The following MORC1 variants were observed in gnomAD, a reference collection of about 807,000 sequenced individuals.
MORC1 encodes the protein MORC family CW-type zinc finger protein 1.
A neutral mutation model predicts 134.9 loss-of-function variants in MORC1; 59 were observed. That is an observed-to-expected ratio of 0.44 (90% CI 0.35 to 0.54). The LOEUF (loss-of-function observed/expected upper bound fraction) is 0.54, where lower values mean the gene tolerates loss of function less well. Ranked by LOEUF, MORC1 falls within the 20% of genes least tolerant of loss-of-function variation. The probability of loss-of-function intolerance (pLI) is 0.00; values close to 1 mark genes in which losing one functional copy is unlikely to be tolerated. For synonymous variants in MORC1, 395 were observed against 391.7 expected, an observed-to-expected ratio of 1.01 and a Z score of -0.10; for missense variants, 947 against 1,134.5, an observed-to-expected ratio of 0.83 and a Z score of 2.37.
At chr3:109,029,664 C>A (rs938624988) in intron 16 of MORC1, among the ~76,000 whole-genome samples, 1 of 152,174 alleles carries the variant, frequency 6.6e-6, no homozygotes, top group African/African-American at 2.4e-5. Context: ...TAGCCTCCCT[C>A]TGTGCTTGAA....
chr3:109,005,374 A>C (rs1208240677), intron 18 of MORC1, 59 bp from the exon 19 acceptor site: 2 of 1,444,612 alleles, frequency 1.4e-6, no homozygotes, highest in African/African-American at 2.9e-5. Flanking sequence ...ATAATTAATC[A>C]CCACTTCTCT....
chr3:109,115,752 C>T (rs1204945306), intron 1 of MORC1, among the ~76,000 whole-genome samples: 2 of 152,180 alleles, frequency 1.3e-5, no homozygotes, highest in Non-Finnish European at 2.9e-5. Flanking sequence ...CCAATGTGTA[C>T]AGGCAGGGTC....
chr3:109,013,887 T>C (rs967173771), intron 17 of MORC1, among the ~76,000 whole-genome samples: 1 of 150,746 alleles, frequency 6.6e-6, no homozygotes, highest in South Asian at 2.1e-4. Context: ...GTTCAATCTC[T>C]CTCTCTCTTG....
At position 109,091,887 on chromosome 3, in the gene MORC1, C is replaced by T. The variant is rs569433137; in HGVS notation, c.689+1549G>A. 5.3e-5 allele frequency among the ~76,000 whole-genome samples: 8 copies of T among 152,244 alleles called. No individual in the cohort carries two copies. The East Asian group carries it at 1.4e-3, about 26-fold the overall frequency. The stretch of plus-strand genomic sequence containing the variant: ...TTTTCTTTATTTTGTAATTAACTGC[C>T]TAAATGGCTAGAGAAGCTCTGGCTT... On this transcript the variant is annotated intron_variant, in intron 8 of 27. Transcript: ENST00000232603.
chr3:108,997,258 G>T (rs2107510442), intron 21 of MORC1, among the ~76,000 whole-genome samples: 1 of 151,998 alleles, frequency 6.6e-6, no homozygotes, highest in Admixed American at 6.5e-5. Context: ...ACAAGGCTGG[G>T]CATGGGGCTC....
intron 21 of MORC1, among the ~76,000 whole-genome samples, chr3:108,999,029 T>C (rs756663152): frequency 4.3e-4 from 65 of 152,342 alleles, no homozygotes; most frequent in Admixed American, 9.2e-4. Flanking sequence ...GAAAAGCAAG[T>C]GGTGAACAGT....
intron 21 of MORC1, among the ~76,000 whole-genome samples, chr3:108,996,648 C>T (rs1257258543): frequency 6.6e-6 from 1 of 152,142 alleles, no homozygotes; most frequent in Non-Finnish European, 1.5e-5. Context: ...CAAGAACATG[C>T]TCATTGCATG....
At chr3:109,117,848 T>C in intron 1 of MORC1, 147 bp downstream of exon 1, 1 of 713,110 alleles carries the variant, frequency 1.4e-6, no homozygotes, top group Non-Finnish European at 2.4e-6. Flanking sequence ...GCTTTCATCG[T>C]TTTAAAAAAA....
Position 108,969,712 on chromosome 3 carries a change from C to A in MORC1, c.2561G>T (p.Cys854Phe). 1 of 1,613,720 alleles carries A rather than the reference C, an allele frequency of 6.2e-7. No individual in the cohort carries two copies. The highest frequency in any genetic ancestry group is 8.5e-7 in the Non-Finnish European group (1 of 1,179,794). Residue 854 changes from cysteine (C) to phenylalanine (F), a missense_variant, in exon 26 of 28, where the codon TGC becomes TTC. By Grantham distance (205) the Cys-to-Phe change is radical (BLOSUM62 -2). Coordinates refer to ENST00000232603, the MANE Select transcript of MORC1 (RefSeq NM_014429.4). Reference protein sequence around the residue: ...EPALSCELEQCPEQMNKKLKM... With the variant: ...EPALSCELEQFPEQMNKKLKM... ...CAGCTTTTTGTTCATCTGCTCTGGG[C>A]ACTGCTCCAGCTGTTTTCATAAATG... is the stretch of plus-strand genomic sequence containing the variant.
chr3:108,973,186 T>C (rs1947440405), intron 24 of MORC1, among the ~76,000 whole-genome samples: 1 of 152,232 alleles, frequency 6.6e-6, no homozygotes, highest in Non-Finnish European at 1.5e-5. Flanking sequence ...TCTTTAAACC[T>C]CTACTAAAAC....
chr3:109,031,371 ATG>A, intron 16 of MORC1, among the ~76,000 whole-genome samples: 1 of 152,200 alleles, frequency 6.6e-6, no homozygotes, highest in Non-Finnish European at 1.5e-5. Flanking sequence ...AAGGGAGGTT[ATG>A]TAATTTCTGA....
chr3:108,984,615 G>A (rs1947844669), intron 23 of MORC1, 101 bp downstream of exon 23: 2 of 900,568 alleles, frequency 2.2e-6, no homozygotes, highest in Admixed American at 3.2e-5. Context: ...GATTGCTTTT[G>A]TTGCTATTAT....
At chr3:109,117,029 T>C (rs556381797) in intron 1 of MORC1, among the ~76,000 whole-genome samples, 1 of 152,084 alleles carries the variant, frequency 6.6e-6, no homozygotes, top group East Asian at 1.9e-4. Flanking sequence ...AGCACTGCCC[T>C]GAGCATTTTT....
chr3:109,030,052 C>T (rs978693248), intron 16 of MORC1, among the ~76,000 whole-genome samples: 2 of 152,100 alleles, frequency 1.3e-5, no homozygotes, highest in Non-Finnish European at 2.9e-5. Flanking sequence ...GTTTCCAGCC[C>T]AAGTTCTAGT....
rs532029052 is a variant in MORC1, at chr3:109,066,889, C to T, written c.815+2743G>A. On this transcript the variant is annotated intron_variant, in intron 9 of 27. Coordinates refer to ENST00000232603, the MANE Select transcript of MORC1 (RefSeq NM_014429.4). ...AACCTAAATTCAAATCCAGATTTGG[C>T]TAATCCACATTTCGCTTCCAATTAT... Among the ~76,000 whole-genome samples the T allele has an allele frequency of 2.0e-4, 30 of 152,294 alleles. No individual in the cohort carries two copies. In the East Asian group the frequency reaches 5.6e-3, roughly 28 times the overall value.
At chr3:108,964,677 T>C (rs950162839) in intron 26 of MORC1, among the ~76,000 whole-genome samples, 8 of 152,198 alleles carry the variant, frequency 5.3e-5, no homozygotes, top group Non-Finnish European at 8.8e-5. Flanking sequence ...CATTTAATTA[T>C]AGATGACGTG....
chr3:109,072,808 T>C (rs148793474), intron 8 of MORC1, among the ~76,000 whole-genome samples: 73 of 152,278 alleles, frequency 4.8e-4, no homozygotes, highest in African/African-American at 1.7e-3. Context: ...TCCTTCTAAA[T>C]ACCTTTGTTT....
intron 14 of MORC1, among the ~76,000 whole-genome samples, chr3:109,040,252 G>C (rs561449211): frequency 1.3e-5 from 2 of 151,158 alleles, no homozygotes; most frequent in African/African-American, 4.9e-5. Flanking sequence ...CACATTCCAA[G>C]CAAAAGAATG....
At chr3:109,090,620 C>CAAAAAA (rs34093019) in intron 8 of MORC1, among the ~76,000 whole-genome samples, 2 of 54,684 alleles carry the variant, frequency 3.7e-5, no homozygotes, top group Non-Finnish European at 3.8e-5. Flanking sequence ...AACTCCGTCT[C>CAAAAAA]AAAAAAAAAA....
Sources: allele counts gnomAD v4.1 joint callset (sites outside exome capture counted in the v4.1 genomes callset), GRCh38; gene constraint gnomAD v4.1.1; transcripts MANE v1.5; gene names NCBI Gene and HGNC (gene_info 2026-07-23, HGNC 2026-07-21).